Variants in PDS5A observed in about 807,000 individuals in gnomAD.
The protein encoded by PDS5A is sister chromatid cohesion protein PDS5 homolog A.
A neutral mutation model predicts 167.1 loss-of-function variants in PDS5A; 42 were observed. The ratio of observed to expected loss-of-function variants is 0.25; its 90% CI spans 0.20 to 0.33. The LOEUF (loss-of-function observed/expected upper bound fraction) is 0.33, where lower values mean the gene tolerates loss of function less well. Ranked by LOEUF, PDS5A falls within the 10% of genes least tolerant of loss-of-function variation. PDS5A has a pLI of 1.00. For synonymous variants in PDS5A, 553 were observed against 554.6 expected (o/e 1.00, Z 0.04); for missense variants, 1,033 against 1,605.9 (o/e 0.64, Z 6.10).
intron 17 of PDS5A, among the ~76,000 whole-genome samples, chr4:39,886,440 G>A (rs184605177): frequency 2.0e-5 from 3 of 152,048 alleles, no homozygotes; most frequent in East Asian, 1.9e-4. Flanking sequence ...TTGGCCGGGC[G>A]GGGTGGCTCA....
chr4:39,956,766 T>G (rs1171964933), intron 2 of PDS5A, among the ~76,000 whole-genome samples: 1 of 151,958 alleles, frequency 6.6e-6, no homozygotes, highest in Non-Finnish European at 1.5e-5. Flanking sequence ...TTAATCTCCT[T>G]GGCTTAAACA....
At chr4:39,955,920 G>A (rs970163874) in intron 2 of PDS5A, among the ~76,000 whole-genome samples, 1 of 151,962 alleles carries the variant, frequency 6.6e-6, no homozygotes, top group African/African-American at 2.4e-5. Context: ...TTCGAGACCA[G>A]CCTGGCCAAC....
At chr4:39,908,212 T>C (rs1325893157) in intron 11 of PDS5A, among the ~76,000 whole-genome samples, 183 bp downstream of exon 11, 5 of 152,320 alleles carry the variant, frequency 3.3e-5, no homozygotes, top group African/African-American at 1.2e-4. Flanking sequence ...ATAGAATCCA[T>C]TGTATTTATT....
chr4:39,950,482 T>C lies in PDS5A; in HGVS notation c.139-22318A>G, dbSNP rs113766890. 5.8e-3 allele frequency among the ~76,000 whole-genome samples: 875 copies of C among 152,156 alleles called. 11 individuals carry two copies. Among genetic ancestry groups the C allele is most frequent in the African/African-American group, 0.02 (841 of 41,532 alleles). ...GGCCAGGCACAGTGGCTCCCGCCTG[T>C]AATCTCAACACTTTGGAGGCCGAGG... On this transcript the variant is annotated intron_variant, in intron 2 of 32. Coordinates refer to ENST00000303538, the MANE Select transcript of PDS5A (RefSeq NM_001100399.2).
chr4:39,910,720 C>A (rs1159342520), intron 9 of PDS5A, among the ~76,000 whole-genome samples: 1 of 152,164 alleles, frequency 6.6e-6, no homozygotes, highest in Non-Finnish European at 1.5e-5. Flanking sequence ...AGATTCCAGG[C>A]ACGGTGGCTG....
At chr4:39,912,580 T>C (rs1034532416) in intron 9 of PDS5A, among the ~76,000 whole-genome samples, 2 of 152,210 alleles carry the variant, frequency 1.3e-5, no homozygotes, top group Non-Finnish European at 2.9e-5. Flanking sequence ...CTAGGATTAG[T>C]ATGAGAACTA....
chr4:39,848,750 A>T, intron 28 of PDS5A, 101 bp downstream of exon 28: 3 of 1,051,964 alleles, frequency 2.9e-6, no homozygotes, highest in Non-Finnish European at 4.2e-6. Context: ...TTTTTTCTTT[A>T]CTCTGTGGTC....
At chr4:39,962,647 T>C (rs564862878) in intron 2 of PDS5A, among the ~76,000 whole-genome samples, 55 of 151,618 alleles carry the variant, frequency 3.6e-4, no homozygotes, top group African/African-American at 1.3e-3. Context: ...CTACTAAAAA[T>C]ACAAAAATTA....
At chr4:39,955,986 C>T (rs913093294) in intron 2 of PDS5A, among the ~76,000 whole-genome samples, 4 of 151,562 alleles carry the variant, frequency 2.6e-5, no homozygotes, top group African/African-American at 4.8e-5. Context: ...ATGGTGGTGG[C>T]ACACACCTGT....
intron 32 of PDS5A, 111 bp from the exon 33 acceptor site, chr4:39,825,599 T>TA: frequency 2.8e-6 from 2 of 719,942 alleles, no homozygotes; most frequent in Non-Finnish European, 4.2e-6. Context: ...TTTTTTTTTT[T>TA]AAACTTAAGC....
intron 14 of PDS5A, among the ~76,000 whole-genome samples, chr4:39,899,932 T>C (rs1052900808): frequency 2.0e-5 from 3 of 151,354 alleles, no homozygotes; most frequent in South Asian, 4.2e-4. Context: ...TCTGTTTATA[T>C]GGTCCCCTGG....
intron 19 of PDS5A, among the ~76,000 whole-genome samples, chr4:39,875,442 A>C (rs1432678532): frequency 6.6e-6 from 1 of 152,176 alleles, no homozygotes; most frequent in Non-Finnish European, 1.5e-5. Context: ...TTAAGGAAAG[A>C]TATTTGTCAT....
At chr4:39,963,472 T>A (rs1413573339) in intron 2 of PDS5A, among the ~76,000 whole-genome samples, 2 of 151,544 alleles carry the variant, frequency 1.3e-5, no homozygotes, top group South Asian at 4.2e-4. Context: ...AAAAAAAAAT[T>A]AGCTGCACAC....
At chr4:39,969,267 C>T (rs1730277954) in intron 2 of PDS5A, among the ~76,000 whole-genome samples, 2 of 152,194 alleles carry the variant, frequency 1.3e-5, no homozygotes, top group South Asian at 2.1e-4. Context: ...TCAGTTTCTT[C>T]ACCTGAAAAA....
At chr4:39,900,967 T>C (rs1722828281) in intron 13 of PDS5A, among the ~76,000 whole-genome samples, 1 of 152,226 alleles carries the variant, frequency 6.6e-6, no homozygotes, top group Admixed American at 6.5e-5. Context: ...CTATAGACTA[T>C]TTTGAAAAAT....
chr4:39,936,549 C>T (rs139032073), intron 2 of PDS5A, among the ~76,000 whole-genome samples: 15 of 152,228 alleles, frequency 9.9e-5, no homozygotes, highest in African/African-American at 3.4e-4. Flanking sequence ...ATTCTCATGC[C>T]TCAGCCTGCC....
chr4:39,862,750 CTATAA>C, intron 25 of PDS5A, 114 bp downstream of exon 25: 1 of 648,206 alleles, frequency 1.5e-6, no homozygotes, highest in Admixed American at 2.8e-5. Flanking sequence ...TGACAGCATT[CTATAA>C]AACTCCCAGT....
Position 39,859,137 on chromosome 4 carries a change from TC to T in PDS5A, c.3086+3081del, listed in dbSNP as rs1237640834. ...AAAGGGCAAAGTCACTGGACATTTC[TC>T]CACTTAAATGTATGATTAAAAGTGG... is the stretch of plus-strand genomic sequence containing the variant. On this transcript the variant is annotated intron_variant, in intron 26 of 32. Transcript: ENST00000303538. Among the ~76,000 whole-genome samples the T allele has an allele frequency of 3.3e-5, 5 of 152,268 alleles. No homozygotes were observed. In the East Asian group the frequency reaches 5.8e-4, roughly 18 times the overall value.
In PDS5A at chr4:39,849,058, AAAG is replaced by A. The variant is rs1221703757; in HGVS notation, c.3220-91_3220-89del. ...CCACTAAATGTATAATTTAGAGTTA[AAAG>A]AAGGATACTGTGGTTGTTATTTATT... is the stretch of plus-strand genomic sequence containing the variant. On this transcript the variant is annotated intron_variant, in intron 27 of 32. Transcript: ENST00000303538. The A allele has an allele frequency of 1.8e-5, 17 of 926,308 alleles. No homozygotes were observed. In the South Asian group the frequency reaches 2.7e-4, roughly 15 times the overall value. 57.4% of individuals were successfully genotyped at this position (926,308 alleles called of 1,614,324 possible).
Sources: gnomAD v4.1 joint callset for allele counts (sites outside exome capture counted in the v4.1 genomes callset) on GRCh38, gnomAD v4.1.1 for gene constraint, MANE v1.5 for transcripts, NCBI Gene and HGNC (gene_info 2026-07-23, HGNC 2026-07-21) for gene names.